CDK8: variants seen among roughly 807,000 people sequenced by gnomAD.
CDK8 encodes the protein cyclin-dependent kinase 8.
A neutral mutation model predicts 71.5 loss-of-function variants in CDK8; 29 were observed. The ratio of observed to expected loss-of-function variants is 0.41; its 90% CI spans 0.30 to 0.55. CDK8 has a LOEUF of 0.55. Ranked by LOEUF, CDK8 falls within the 20% of genes least tolerant of loss-of-function variation. The pLI is 0.37. For synonymous variants in CDK8, 161 were observed against 192.1 expected (o/e 0.84, Z 1.34); for missense variants, 288 against 572.6 (o/e 0.50, Z 5.07).
intron 12 of CDK8, among the ~76,000 whole-genome samples, chr13:26,403,078 C>A (rs1245234484): frequency 6.6e-6 from 1 of 152,152 alleles, no homozygotes; most frequent in Non-Finnish European, 1.5e-5. Context: ...GAATAATAAT[C>A]TAACATATCA....
At chr13:26,258,142 G>A (rs1593220793) in intron 1 of CDK8, among the ~76,000 whole-genome samples, 1 of 152,114 alleles carries the variant, frequency 6.6e-6, no homozygotes, top group Non-Finnish European at 1.5e-5. Context: ...GGAAACTGAG[G>A]CTTAGAAAGG....
chr13:26,362,048 GTAT>G (rs1204403727), intron 4 of CDK8, among the ~76,000 whole-genome samples: 1 of 152,006 alleles, frequency 6.6e-6, no homozygotes, highest in Non-Finnish European at 1.5e-5. Flanking sequence ...CAACATCTAA[GTAT>G]TAAAGACTTG....
chr13:26,282,159 G>A (rs1872779168), intron 1 of CDK8, among the ~76,000 whole-genome samples: 1 of 152,120 alleles, frequency 6.6e-6, no homozygotes. Flanking sequence ...GAATAATTGA[G>A]GAAAACTTCC....
In CDK8 at chr13:26,394,671, G is replaced by A. The variant is rs576339482; in HGVS notation, c.790+1161G>A. Among the ~76,000 whole-genome samples the A allele has an allele frequency of 3.3e-5, 5 of 152,342 alleles. No individual in the cohort carries two copies. The East Asian group carries it at 9.6e-4, about 29-fold the overall frequency. On this transcript the variant is annotated intron_variant, in intron 7 of 12. Transcript: ENST00000381527. ...GCATAGCTTCTGTGAGGGAGTAGATGTGGTGAAGATGTCTATCAGTGACTC... is the reference window on the plus strand; with the variant it reads ...GCATAGCTTCTGTGAGGGAGTAGATATGGTGAAGATGTCTATCAGTGACTC...
chr13:26,344,537 G>A (rs762638521), intron 2 of CDK8, among the ~76,000 whole-genome samples: 1 of 152,178 alleles, frequency 6.6e-6, no homozygotes, highest in African/African-American at 2.4e-5. Context: ...GAGGTGGACA[G>A]ATAGATCACT....
At chr13:26,258,596 A>G (rs1213774389) in intron 1 of CDK8, among the ~76,000 whole-genome samples, 2 of 152,030 alleles carry the variant, frequency 1.3e-5, no homozygotes, top group Non-Finnish European at 2.9e-5. Context: ...GGAAACCTGA[A>G]TTTGAATTCA....
chr13:26,343,284 T>C (rs527810944), intron 2 of CDK8, among the ~76,000 whole-genome samples: 1 of 152,306 alleles, frequency 6.6e-6, no homozygotes, highest in South Asian at 2.1e-4. Flanking sequence ...CTATACAGCA[T>C]GTTGCTATAC....
In CDK8 at chr13:26,254,946, C is replaced by A. The variant is rs1011750767; in HGVS notation, c.128+177C>A. 3.9e-5 allele frequency among the ~76,000 whole-genome samples: 6 copies of A among 152,186 alleles called. No homozygotes were observed. The highest frequency in any genetic ancestry group is 1.4e-4 in the African/African-American group (6 of 41,444). On this transcript the variant is annotated intron_variant, in intron 1 of 12. Coordinates refer to ENST00000381527, the MANE Select transcript of CDK8 (RefSeq NM_001260.3). This position sits in a 1 kb window ranked among gnomAD's most constrained non-coding sequence, Gnocchi z 6.7. ...GTGGTGTACGAGGGATCCAAACCCA[C>A]GAGAAATCCTGCGTGCCGCGTCTGT...
At chr13:26,369,653 C>T (rs1407966430) in intron 4 of CDK8, among the ~76,000 whole-genome samples, 4 of 149,298 alleles carry the variant, frequency 2.7e-5, no homozygotes, top group East Asian at 2.0e-4. Flanking sequence ...CTCAGCCTCC[C>T]GAGTAGCTGG....
At chr13:26,275,662 A>G (rs993159601) in intron 1 of CDK8, among the ~76,000 whole-genome samples, 3 of 152,244 alleles carry the variant, frequency 2.0e-5, no homozygotes, top group Non-Finnish European at 4.4e-5. Context: ...AATGTACTCC[A>G]AAGTAGAGAC....
chr13:26,329,248 C>CT (rs1241902064), intron 1 of CDK8, among the ~76,000 whole-genome samples: 2 of 152,018 alleles, frequency 1.3e-5, no homozygotes, highest in Non-Finnish European at 2.9e-5. Flanking sequence ...TTAACCAATC[C>CT]TTTGCGGCCA....
chr13:26,306,810 G>A, intron 1 of CDK8, among the ~76,000 whole-genome samples: 1 of 151,878 alleles, frequency 6.6e-6, no homozygotes. Context: ...TGTATTTTTA[G>A]TAGAGACAGG....
At chr13:26,366,002 G>C (rs1419246164) in intron 4 of CDK8, among the ~76,000 whole-genome samples, 1 of 151,902 alleles carries the variant, frequency 6.6e-6, no homozygotes, top group African/African-American at 2.4e-5. Context: ...TAATATCTCA[G>C]TCTAACTTTC....
At chr13:26,373,469 T>A (rs1206504566) in intron 4 of CDK8, among the ~76,000 whole-genome samples, 1 of 152,182 alleles carries the variant, frequency 6.6e-6, no homozygotes. Flanking sequence ...TTCCTTTTGA[T>A]ATAACAATCT....
At chr13:26,293,028 A>G (rs1439887746) in intron 1 of CDK8, among the ~76,000 whole-genome samples, 1 of 152,164 alleles carries the variant, frequency 6.6e-6, no homozygotes, top group African/African-American at 2.4e-5. Flanking sequence ...GTGTGATTCC[A>G]TGGTGTAATG....
chr13:26,318,451 A>G (rs1372007773), intron 1 of CDK8, among the ~76,000 whole-genome samples: 1 of 152,150 alleles, frequency 6.6e-6, no homozygotes, highest in Non-Finnish European at 1.5e-5. Flanking sequence ...GGCCAGCATT[A>G]CCCCGGTACC....
chr13:26,352,479 G>A (rs1013901883), intron 3 of CDK8, among the ~76,000 whole-genome samples: 1 of 152,136 alleles, frequency 6.6e-6, no homozygotes, highest in Non-Finnish European at 1.5e-5. Flanking sequence ...GCCTCCCAAA[G>A]TTCTGGGATT....
chr13:26,281,390 A>G (rs567673268), intron 1 of CDK8, among the ~76,000 whole-genome samples: 1 of 152,198 alleles, frequency 6.6e-6, no homozygotes. Context: ...AGCAATAACA[A>G]TCACTGCAGT....
chr13:26,359,750 C>T, intron 4 of CDK8: 1 of 430,160 alleles, frequency 2.3e-6, no homozygotes, highest in Non-Finnish European at 4.7e-6. Flanking sequence ...AGTCATCACT[C>T]TGTTGCCCAG....
Sources: allele counts gnomAD v4.1 joint callset (sites outside exome capture counted in the v4.1 genomes callset), GRCh38; gene constraint gnomAD v4.1.1; non-coding constraint Gnocchi (gnomAD v3.1); transcripts MANE v1.5; gene names NCBI Gene and HGNC (gene_info 2026-07-23, HGNC 2026-07-21).